Variants in CDH3 observed in about 807,000 individuals in gnomAD.
The protein encoded by CDH3 is cadherin 3.
Under a neutral mutation model 82.0 loss-of-function variants are expected in CDH3, and 54 were observed. The observed-to-expected ratio is 0.66, with a 90% CI of 0.53 to 0.83. The LOEUF (loss-of-function observed/expected upper bound fraction) is 0.83, where lower values mean the gene tolerates loss of function less well. CDH3 is among the 40% of genes least tolerant of loss of function. The pLI is 0.00. For synonymous variants in CDH3, 446 were observed against 437.9 expected (o/e 1.02, Z -0.23); for missense variants, 1,054 against 1,084.6 (o/e 0.97, Z 0.40).
At chr16:68,695,027 T>G (rs1473182067) in intron 13 of CDH3, among the ~76,000 whole-genome samples, 1 of 152,164 alleles carries the variant, frequency 6.6e-6, no homozygotes, top group Non-Finnish European at 1.5e-5. Flanking sequence ...GAGGCCAATG[T>G]GCCTAGACCT....
At chr16:68,714,740 C>T (rs997205802) in intron 1 of CDH3, among the ~76,000 whole-genome samples, 7 of 152,154 alleles carry the variant, frequency 4.6e-5, no homozygotes, top group Admixed American at 1.3e-4. Context: ...AAGACAAGGC[C>T]GGGTTCAGTG....
At chr16:68,695,151 C>A in intron 13 of CDH3, 104 bp from the exon 14 acceptor site, 1 of 1,193,734 alleles carries the variant, frequency 8.4e-7, no homozygotes, top group Non-Finnish European at 1.2e-6. Context: ...TAAGCTCTGG[C>A]TACTGAGTGA....
chr16:68,660,980 A>G (rs200998217), intron 2 of CDH3, among the ~76,000 whole-genome samples: 581 of 150,596 alleles, frequency 3.9e-3, no homozygotes, highest in Non-Finnish European at 5.5e-3. Context: ...AAAAAAAAAA[A>G]AAGAAGAAAA....
At chr16:68,693,967 A>G (rs2152106291) in intron 13 of CDH3, among the ~76,000 whole-genome samples, 1 of 152,112 alleles carries the variant, frequency 6.6e-6, no homozygotes, top group Non-Finnish European at 1.5e-5. Flanking sequence ...TAAAATTCCA[A>G]CACTGGGGCT....
intron 2 of CDH3, among the ~76,000 whole-genome samples, chr16:68,670,832 G>T (rs2152096611): frequency 6.6e-6 from 1 of 152,240 alleles, no homozygotes; most frequent in South Asian, 2.1e-4. Context: ...CAGCACTTTG[G>T]GAGGCCAAAG....
At chr16:68,646,090 C>T (rs918508694) in intron 2 of CDH3, 3 of 339,000 alleles carry the variant, frequency 8.8e-6, no homozygotes, top group African/African-American at 2.2e-5. Context: ...ACATTCTTCC[C>T]CCAACCCGCG....
At chr16:68,696,333 G>A (rs946516108) in intron 15 of CDH3, 3 of 329,590 alleles carry the variant, frequency 9.1e-6, no homozygotes, top group Non-Finnish European at 1.8e-5. Context: ...CACAAGAATC[G>A]CTTGAACCAA....
intron 2 of CDH3, among the ~76,000 whole-genome samples, chr16:68,654,380 A>ATTTTTTTTTTTTTTTTT (rs1176713669): frequency 2.3e-4 from 11 of 48,530 alleles, no homozygotes; most frequent in African/African-American, 7.8e-4. Flanking sequence ...TTTTAAATTA[A>ATTTTTTTTTTTTTTTTT]TTTTTTTTTT....
chr16:68,710,520 C>G (rs1393774278), intron 1 of CDH3, among the ~76,000 whole-genome samples: 1 of 152,146 alleles, frequency 6.6e-6, no homozygotes, highest in Non-Finnish European at 1.5e-5. Context: ...AGGACAGCCC[C>G]CACAGCACAT....
intron 3 of CDH3, among the ~76,000 whole-genome samples, chr16:68,677,225 T>C (rs1961058274): frequency 6.6e-6 from 1 of 152,202 alleles, no homozygotes; most frequent in Admixed American, 6.5e-5. Flanking sequence ...CAGCACAATG[T>C]CTACCCTCTT....
intron 9 of CDH3, 125 bp from the exon 10 acceptor site, chr16:68,684,458 G>A (rs2152102526): frequency 9.4e-7 from 1 of 1,059,222 alleles, no homozygotes; most frequent in Non-Finnish European, 1.5e-6. Context: ...AGAAAGGGCA[G>A]CACTGTTGCT....
intron 8 of CDH3, 26 bp downstream of exon 8, chr16:68,681,122 C>T: frequency 2.5e-6 from 4 of 1,612,980 alleles, no homozygotes; most frequent in Non-Finnish European, 3.4e-6. Flanking sequence ...CACTCAGTCC[C>T]TCATCAGATA....
chr16:68,677,929 T>C (rs1961077384), intron 3 of CDH3, among the ~76,000 whole-genome samples: 1 of 151,126 alleles, frequency 6.6e-6, no homozygotes, highest in African/African-American at 2.4e-5. Flanking sequence ...CCCTTAACTT[T>C]TTTTTTTTTT....
downstream of CDH3, among the ~76,000 whole-genome samples, chr16:68,730,363 C>CTT (rs1567467538): frequency 6.6e-6 from 1 of 151,322 alleles, no homozygotes; most frequent in Non-Finnish European, 1.5e-5. Flanking sequence ...CCCGTCTCTA[C>CTT]TAAAACCACA....
intron 1 of CDH3, among the ~76,000 whole-genome samples, chr16:68,713,198 G>A (rs183385061): frequency 9.2e-5 from 14 of 151,998 alleles, no homozygotes; most frequent in African/African-American, 1.7e-4. Context: ...CATTGTTTCC[G>A]TCAAGGAAAA....
chr16:68,684,708 G>C lies in CDH3; in HGVS notation c.1308G>C (p.Glu436Asp), dbSNP rs539367814. ...TGGTCCACGTGGAGGATGTGAATGA[G>C]GCACCTGTGTTTGTCCCACCCTCCA... is the stretch of plus-strand genomic sequence containing the variant. ...TIVVHVEDVN[E>D]APVFVPPSKV... Residue 436 changes from glutamate (E) to aspartate (D), a missense_variant, in exon 10 of 16, where the codon GAG (glutamate) becomes GAC (aspartate). By Grantham distance (45) the Glu-to-Asp change is conservative. Transcript: ENST00000264012. The C allele has an allele frequency of 6.2e-6, 10 of 1,614,102 alleles. No homozygotes were observed. The highest frequency in any genetic ancestry group is 1.7e-5 in the Admixed American group (1 of 60,008).
chr16:68,705,011 G>A (rs974245631), downstream of CDH3, among the ~76,000 whole-genome samples: 8 of 152,052 alleles, frequency 5.3e-5, no homozygotes, highest in Admixed American at 3.9e-4. Context: ...GCAGTGAGCC[G>A]TGATTACACC....
downstream of CDH3, among the ~76,000 whole-genome samples, chr16:68,729,045 C>T (rs1962256721): frequency 6.6e-6 from 1 of 152,166 alleles, no homozygotes; most frequent in Non-Finnish European, 1.5e-5. Flanking sequence ...TGGCTCACAC[C>T]TGTAATCCCA....
At position 68,678,121 on chromosome 16, in the gene CDH3, T is replaced by C. The variant is rs760449547; in HGVS notation, c.247-13T>C. 4 of 1,612,016 alleles carry C rather than the reference T, an allele frequency of 2.5e-6. No individual in the cohort carries two copies. The African/African-American group carries it at 5.3e-5, about 22-fold the overall frequency. ...ATTTGCACATCTGGGTTAAGGAGTT[T>C]CTCTCCTTGCAGGAAAGAAGGTCAC... is the stretch of plus-strand genomic sequence containing the variant. On this transcript the variant is annotated splice_polypyrimidine_tract_variant and intron_variant, in intron 3 of 15. Transcript: ENST00000264012.
Sources: gnomAD v4.1 joint callset for allele counts (sites outside exome capture counted in the v4.1 genomes callset) on GRCh38, gnomAD v4.1.1 for gene constraint, MANE v1.5 for transcripts, NCBI Gene and HGNC (gene_info 2026-07-23, HGNC 2026-07-21) for gene names.